Variants in TRHDE observed in about 807,000 individuals in gnomAD.
TRHDE encodes thyrotropin releasing hormone degrading enzyme.
Under a neutral mutation model 125.7 loss-of-function variants are expected in TRHDE, and 72 were observed. The observed-to-expected ratio is 0.57, with a 90% CI of 0.47 to 0.70. The LOEUF is 0.70. Among genes scored for constraint, TRHDE ranks in the 30% least tolerant of loss-of-function variants. The pLI is 0.00. For synonymous variants in TRHDE, 509 were observed against 509.1 expected (o/e 1.00, Z 0.00); for missense variants, 1,110 against 1,327.1 (o/e 0.84, Z 2.54).
intron 2 of TRHDE, among the ~76,000 whole-genome samples, chr12:72,169,211 C>T (rs1287284193): frequency 2.6e-5 from 4 of 151,742 alleles, no homozygotes; most frequent in Non-Finnish European, 5.9e-5. Context: ...GGTTCTCAAC[C>T]TTGGCTATAC....
intron 2 of TRHDE, among the ~76,000 whole-genome samples, chr12:72,146,744 A>T (rs1876236483): frequency 6.6e-6 from 1 of 152,110 alleles, no homozygotes; most frequent in African/African-American, 2.4e-5. Flanking sequence ...CTTCAGTGTT[A>T]ATCAGCTCAA....
At position 72,299,010 on chromosome 12, in the gene TRHDE, C is replaced by A. The variant is rs74105308; in HGVS notation, c.1188+12056C>A. Among the ~76,000 whole-genome samples, 1,013 of 152,168 alleles carry A rather than the reference C, an allele frequency of 6.7e-3. 16 individuals are homozygous for A. Among genetic ancestry groups the A allele is most frequent in the African/African-American group, 0.023 (957 of 41,486 alleles). On this transcript the variant is annotated intron_variant, in intron 2 of 18. Coordinates refer to ENST00000261180, the MANE Select transcript of TRHDE (RefSeq NM_013381.3). ...AATGTGTTGCAGTACAGAGAAGAAT[C>A]TCTGGGTGACCATGATACAGAAGAA...
chr12:72,128,799 A>G (rs1276427562), intron 2 of TRHDE, among the ~76,000 whole-genome samples: 1 of 152,192 alleles, frequency 6.6e-6, no homozygotes, highest in African/African-American at 2.4e-5. Flanking sequence ...AGACAACTTC[A>G]GGTAGCCTAA....
At chr12:72,592,708 C>T (rs1592559084) in intron 12 of TRHDE, among the ~76,000 whole-genome samples, 2 of 144,580 alleles carry the variant, frequency 1.4e-5, no homozygotes, top group East Asian at 2.0e-4. Flanking sequence ...TCTTTTCTTT[C>T]TTTTTTTTTT....
chr12:72,456,994 C>T (rs1284608133), intron 3 of TRHDE, among the ~76,000 whole-genome samples: 1 of 152,086 alleles, frequency 6.6e-6, no homozygotes, highest in Non-Finnish European at 1.5e-5. Flanking sequence ...TTTCTTTAAA[C>T]TCTCAAGAAG....
At chr12:72,286,656 G>A (rs776024841) in intron 1 of TRHDE, 25 bp from the exon 2 acceptor site, 1 of 1,604,086 alleles carries the variant, frequency 6.2e-7, no homozygotes, top group South Asian at 1.1e-5. Flanking sequence ...AAATGTAATT[G>A]AGAATGTCAT....
At chr12:72,438,812 T>C (rs1015629782) in intron 3 of TRHDE, among the ~76,000 whole-genome samples, 2 of 151,944 alleles carry the variant, frequency 1.3e-5, no homozygotes, top group African/African-American at 4.8e-5. Context: ...TTAACTTTTG[T>C]TGCCTCTGTT....
At chr12:72,634,821 G>C (rs1284405905) in intron 15 of TRHDE, among the ~76,000 whole-genome samples, 3 of 151,596 alleles carry the variant, frequency 2.0e-5, no homozygotes, top group Admixed American at 6.6e-5. Flanking sequence ...TCCCTACAAA[G>C]GACATGAACT....
intron 2 of TRHDE, among the ~76,000 whole-genome samples, chr12:72,367,586 T>A (rs770745989): frequency 2.0e-5 from 3 of 152,186 alleles, no homozygotes; most frequent in Non-Finnish European, 4.4e-5. Context: ...CTAATACTCC[T>A]GAGCTTTTAG....
At chr12:72,619,153 G>A in intron 13 of TRHDE, 115 bp downstream of exon 13, 2 of 796,368 alleles carry the variant, frequency 2.5e-6, no homozygotes, top group Non-Finnish European at 3.6e-6. Flanking sequence ...TCTAGTTTGT[G>A]TTATCCCGAT....
intron 12 of TRHDE, among the ~76,000 whole-genome samples, chr12:72,592,739 T>C (rs1871741850): frequency 6.6e-6 from 1 of 151,568 alleles, no homozygotes; most frequent in African/African-American, 2.4e-5. Flanking sequence ...AGATGAAGTC[T>C]CACTCTTGCT....
chr12:72,607,249 G>A (rs559884498), intron 12 of TRHDE, among the ~76,000 whole-genome samples: 4 of 152,062 alleles, frequency 2.6e-5, no homozygotes, highest in Admixed American at 6.5e-5. Context: ...CCTGTAAATC[G>A]GTAACTGAAT....
At chr12:72,520,028 C>T (rs1189265899) in intron 6 of TRHDE, among the ~76,000 whole-genome samples, 1 of 152,170 alleles carries the variant, frequency 6.6e-6, no homozygotes, top group Non-Finnish European at 1.5e-5. Context: ...GCTGGGAGAA[C>T]CACTGCTCTC....
intron 12 of TRHDE, among the ~76,000 whole-genome samples, chr12:72,592,046 C>G (rs1871708688): frequency 6.6e-6 from 1 of 151,784 alleles, no homozygotes; most frequent in Non-Finnish European, 1.5e-5. Flanking sequence ...AAAAAAAAAG[C>G]TTGGCTTTTA....
At chr12:72,368,650 G>A (rs989273693) in intron 2 of TRHDE, among the ~76,000 whole-genome samples, 1 of 152,012 alleles carries the variant, frequency 6.6e-6, no homozygotes, top group African/African-American at 2.4e-5. Context: ...CTTACCTTTG[G>A]ACACTCAGCA....
At chr12:72,329,154 CA>C (rs1869469309) in intron 2 of TRHDE, among the ~76,000 whole-genome samples, 1 of 152,068 alleles carries the variant, frequency 6.6e-6, no homozygotes, top group South Asian at 2.1e-4. Context: ...TGGTTAGGGA[CA>C]GATAAGAAAA....
At chr12:72,347,474 G>A (rs58229846) in intron 2 of TRHDE, among the ~76,000 whole-genome samples, 6,734 of 152,144 alleles carry the variant, frequency 0.044, 507 homozygotes, top group African/African-American at 0.15. Context: ...CTGTGGGTTA[G>A]CAATCCGAAT....
intron 12 of TRHDE, among the ~76,000 whole-genome samples, chr12:72,585,425 A>G (rs962333185): frequency 6.6e-6 from 1 of 152,232 alleles, no homozygotes; most frequent in South Asian, 2.1e-4. Context: ...CACAACACGT[A>G]CTTATGGTCA....
chr12:72,094,784 G>C (rs1424856471), intron 1 of TRHDE, among the ~76,000 whole-genome samples: 1 of 152,236 alleles, frequency 6.6e-6, no homozygotes, highest in Non-Finnish European at 1.5e-5. Context: ...TAGGTCTGGA[G>C]CCAGGAACTC....
Sources: allele counts gnomAD v4.1 joint callset (sites outside exome capture counted in the v4.1 genomes callset), GRCh38; gene constraint gnomAD v4.1.1; transcripts MANE v1.5; gene names NCBI Gene and HGNC (gene_info 2026-07-23, HGNC 2026-07-21).